The following RUFY3 variants were observed in gnomAD, a reference collection of about 807,000 sequenced individuals.
RUFY3 encodes the protein RUN and FYVE domain containing 3, also known as protein RUFY3.
Under a neutral mutation model 84.0 loss-of-function variants are expected in RUFY3, and 34 were observed. The observed-to-expected ratio is 0.40, with a 90% confidence interval of 0.31 to 0.54. The LOEUF (loss-of-function observed/expected upper bound fraction) is 0.54, where lower values mean the gene tolerates loss of function less well. Ranked by LOEUF, RUFY3 falls within the 20% of genes least tolerant of loss-of-function variation. The pLI, the probability that RUFY3 is intolerant of heterozygous loss-of-function variation, is 0.39. For missense variants in RUFY3, 507 were observed against 736.8 expected (o/e 0.69, Z 3.61); for synonymous variants, 242 against 252.9 (o/e 0.96, Z 0.41).
intron 1 of RUFY3, among the ~76,000 whole-genome samples, chr4:70,715,178 G>A (rs1196977085): frequency 2.0e-5 from 3 of 152,126 alleles, no homozygotes; most frequent in Non-Finnish European, 4.4e-5. Context: ...AGGTGGGAGG[G>A]TGTACTGGAG....
intron 1 of RUFY3, among the ~76,000 whole-genome samples, chr4:70,728,985 G>A (rs1718763294): frequency 6.6e-6 from 1 of 151,650 alleles, no homozygotes; most frequent in Admixed American, 6.6e-5. Context: ...TACCTAATGA[G>A]TCTCTTTAGA....
At chr4:70,756,213 C>T (rs563693147) in intron 1 of RUFY3, among the ~76,000 whole-genome samples, 26 of 152,276 alleles carry the variant, frequency 1.7e-4, no homozygotes, top group Non-Finnish European at 3.2e-4. Context: ...TGCTGACTCC[C>T]TCTTCTCCAT....
Position 70,807,393 on chromosome 4 carries a change from A to G in RUFY3, c.*734A>G, listed in dbSNP as rs1732950145. The G allele has an allele frequency of 6.6e-6, 1 of 152,072 alleles. No individual in the cohort carries two copies. Among genetic ancestry groups the G allele is most frequent in the Non-Finnish European group, 1.5e-5 (1 of 68,012 alleles). 9.4% of individuals were successfully genotyped at this position (152,072 alleles called of 1,614,324 possible). A position where few individuals can be genotyped will look rare whatever the true frequency, so the allele number is the denominator to read the frequency against. On this transcript the variant is annotated 3_prime_UTR_variant, in exon 18 of 18. Transcript: ENST00000381006. ...GAATCTCCTTCCACAAAACAAGCCA[A>G]CTCTTCCCCATTCCCTCCATCTTCC...
At chr4:70,761,717 G>T (rs1725066051) in intron 1 of RUFY3, among the ~76,000 whole-genome samples, 1 of 152,184 alleles carries the variant, frequency 6.6e-6, no homozygotes, top group Non-Finnish European at 1.5e-5. Context: ...TGGTTGATGA[G>T]AGCCATACAC....
At chr4:70,792,313 T>C in intron 12 of RUFY3, 1 of 977,394 alleles carries the variant, frequency 1.0e-6, no homozygotes, top group Non-Finnish European at 1.2e-6. Flanking sequence ...TCTGGGAAGC[T>C]AATAATTGAA....
intron 1 of RUFY3, among the ~76,000 whole-genome samples, chr4:70,736,559 A>G (rs1249233326): frequency 2.0e-5 from 3 of 151,498 alleles, no homozygotes; most frequent in African/African-American, 4.9e-5. Flanking sequence ...TGGATGTGCT[A>G]TAATTTCTTT....
At chr4:70,789,180 A>G (rs888454323) in intron 11 of RUFY3, among the ~76,000 whole-genome samples, 4 of 152,178 alleles carry the variant, frequency 2.6e-5, no homozygotes, top group Admixed American at 2.0e-4. Context: ...CACTTTTCAC[A>G]TTATAGTAGA....
chr4:70,785,599 C>T (rs1181291918), intron 10 of RUFY3, among the ~76,000 whole-genome samples: 1 of 151,296 alleles, frequency 6.6e-6, no homozygotes, highest in Non-Finnish European at 1.5e-5. Flanking sequence ...GAGGCTGAGG[C>T]GGATGGATCA....
intron 1 of RUFY3, among the ~76,000 whole-genome samples, chr4:70,713,154 G>A (rs907917351): frequency 5.9e-5 from 9 of 152,164 alleles, no homozygotes; most frequent in African/African-American, 1.9e-4. Flanking sequence ...CTCCTGAGTA[G>A]CAGGGACTAT....
At chr4:70,757,113 TA>T (rs148444810) in intron 1 of RUFY3, among the ~76,000 whole-genome samples, 10 of 147,296 alleles carry the variant, frequency 6.8e-5, no homozygotes, top group Middle Eastern at 6.8e-3. Context: ...CTACAAAAAA[TA>T]AAAAAAAAAT....
chr4:70,807,691 G>T lies in RUFY3; in HGVS notation c.*1032G>T, dbSNP rs1243030433. On this transcript the variant is annotated 3_prime_UTR_variant, in exon 18 of 18. Transcript: ENST00000381006. ...TTTTTTTTTTTTTTTGGCCGGGGAG[G>T]GGGTCTCATTGGTTGCTCAGCCTGG... Among the ~76,000 whole-genome samples the T allele has an allele frequency of 1.3e-5, 2 of 149,614 alleles. No homozygotes were observed. Among genetic ancestry groups the T allele is most frequent in the East Asian group, 2.0e-4 (1 of 5,128 alleles).
intron 1 of RUFY3, among the ~76,000 whole-genome samples, chr4:70,716,201 G>A (rs28490874): frequency 0.16 from 24,765 of 151,914 alleles, 4,941 homozygotes; most frequent in African/African-American, 0.48. Context: ...GCTGGAGTGT[G>A]GTGGCATGAC....
At chr4:70,795,843 GA>G (rs1266488522) in intron 14 of RUFY3, among the ~76,000 whole-genome samples, 1 of 152,104 alleles carries the variant, frequency 6.6e-6, no homozygotes, top group Non-Finnish European at 1.5e-5. Context: ...GAAACAAAAA[GA>G]AATCAGAGGC....
rs1277365049 is a variant in RUFY3, at chr4:70,722,894, C to G, written c.178+143C>G. On this transcript the variant is annotated intron_variant, in intron 1 of 17. Transcript: ENST00000381006. ...AAACCTTGCATCCTTACTTACCACC[C>G]AGCTCCCCTTCTCTTGCTCATGGGG... 4 of 697,480 alleles carry G rather than the reference C, an allele frequency of 5.7e-6. No homozygotes were observed. In the African/African-American group the frequency reaches 7.1e-5, roughly 12 times the overall value. The allele number at this position is 697,480 out of a possible 1,614,324, so 43.2% of individuals were successfully genotyped here.
intron 10 of RUFY3, among the ~76,000 whole-genome samples, chr4:70,786,087 C>T (rs1194334419): frequency 6.6e-6 from 1 of 152,154 alleles, no homozygotes; most frequent in African/African-American, 2.4e-5. Context: ...GAATGAAATC[C>T]TGTCATTTGT....
intron 1 of RUFY3, among the ~76,000 whole-genome samples, chr4:70,713,811 C>A (rs1741267612): frequency 6.6e-6 from 1 of 152,148 alleles, no homozygotes; most frequent in Non-Finnish European, 1.5e-5. Context: ...AATTCTGACC[C>A]ATCTCTCTTC....
At chr4:70,753,282 T>TTC (rs760028510) in intron 1 of RUFY3, among the ~76,000 whole-genome samples, 4 of 152,240 alleles carry the variant, frequency 2.6e-5, no homozygotes, top group Non-Finnish European at 5.9e-5. Flanking sequence ...CTTCTCCCTT[T>TTC]TCTACTGATC....
intron 1 of RUFY3, among the ~76,000 whole-genome samples, chr4:70,709,867 G>A (rs1206168782): frequency 1.3e-5 from 2 of 152,188 alleles, no homozygotes; most frequent in African/African-American, 4.8e-5. Context: ...AGTTAAGGCA[G>A]TGTCCAAAAA....
At chr4:70,772,770 C>T (rs1241221734) in intron 5 of RUFY3, among the ~76,000 whole-genome samples, 1 of 152,070 alleles carries the variant, frequency 6.6e-6, no homozygotes, top group Non-Finnish European at 1.5e-5. Flanking sequence ...AAGCAATTCT[C>T]CTGCCTCAGC....
Sources: allele counts gnomAD v4.1 joint callset (sites outside exome capture counted in the v4.1 genomes callset), GRCh38; gene constraint gnomAD v4.1.1; transcripts MANE v1.5; gene names NCBI Gene and HGNC (gene_info 2026-07-23, HGNC 2026-07-21).